Variants in PLA1A observed in about 807,000 individuals in gnomAD.
PLA1A encodes the protein phosphatidylserine-specific phospholipase A1alpha.
Under a neutral mutation model 49.4 loss-of-function variants are expected in PLA1A, and 47 were observed. That is an observed-to-expected ratio of 0.95 (90% CI 0.75 to 1.21). The LOEUF is 1.21. Among genes scored for constraint, PLA1A ranks in the 50% most tolerant of loss-of-function variants. The pLI is 0.00. For missense variants in PLA1A, 561 were observed against 563.9 expected (o/e 0.99, Z 0.05); for synonymous variants, 224 against 207.9 (o/e 1.08, Z -0.67).
chr3:119,614,626 A>G (rs2082819876), intron 5 of PLA1A, among the ~76,000 whole-genome samples: 1 of 151,326 alleles, frequency 6.6e-6, no homozygotes, highest in East Asian at 1.9e-4. Context: ...AAAAAAAAAA[A>G]AAAGTGAATC....
chr3:119,607,894 T>A (rs1020436578), intron 2 of PLA1A, among the ~76,000 whole-genome samples: 13 of 152,194 alleles, frequency 8.5e-5, no homozygotes, highest in African/African-American at 3.1e-4. Flanking sequence ...CGCTCCTCTG[T>A]CCACACGAGT....
rs761157942 is a variant in PLA1A at position 119,618,183 on chromosome 3, A to G, written c.919A>G (p.Ile307Val). 3.1e-6 allele frequency: 5 copies of G among 1,612,430 alleles called. No individual in the cohort carries two copies. The South Asian group carries it at 4.4e-5, about 14-fold the overall frequency. Residue 307 changes from isoleucine to valine, a missense_variant, in exon 7 of 11, where the codon ATA becomes GTA. Physicochemically the swap from Ile to Val is conservative, Grantham distance 29. Coordinates refer to ENST00000273371, the MANE Select transcript of PLA1A (RefSeq NM_015900.4). ...CCCTTTTCTGCTTTCCTGCCCAAGGATAGGTAAAGTGCTACCCCTTTGACT... is the reference window on the plus strand; with the variant it reads ...CCCTTTTCTGCTTTCCTGCCCAAGGGTAGGTAAAGTGCTACCCCTTTGACT... ...FNPFLLSCPR[I>V]GLVEQGGVKI... is the part of the protein sequence containing the mutation.
intron 2 of PLA1A, among the ~76,000 whole-genome samples, chr3:119,608,300 A>AAAGAAAG (rs2082721871): frequency 2.1e-5 from 3 of 146,294 alleles, no homozygotes; most frequent in African/African-American, 7.6e-5. Flanking sequence ...AAGAAAGAAA[A>AAAGAAAG]AGAAAATGTC....
chr3:119,628,899 A>G, intron 10 of PLA1A, 34 bp downstream of exon 10: 1 of 1,566,662 alleles, frequency 6.4e-7, no homozygotes. Flanking sequence ...CACCAGATGC[A>G]CTCACACATC....
Position 119,599,125 on chromosome 3 carries a change from C to T in PLA1A, c.73+1139C>T, listed in dbSNP as rs115469553. 1.7e-3 allele frequency among the ~76,000 whole-genome samples: 258 copies of T among 152,230 alleles called. 1 individual carries two copies. The highest frequency in any genetic ancestry group is 3.1e-3 in the South Asian group (15 of 4,822). ...TAGGCTCTGTCTGGGTCGGGCTAAC[C>T]CAGACTGGAATCCTGGCTCTGTTTC... On this transcript the variant is annotated intron_variant, in intron 1 of 10. Transcript: ENST00000273371.
At chr3:119,607,802 T>G (rs988068595) in intron 2 of PLA1A, among the ~76,000 whole-genome samples, 1 of 152,142 alleles carries the variant, frequency 6.6e-6, no homozygotes, top group East Asian at 1.9e-4. Flanking sequence ...GGGTAGCTAA[T>G]AGAGGTGGAG....
intron 6 of PLA1A, 123 bp from the exon 7 acceptor site, chr3:119,617,896 G>T: frequency 4.6e-6 from 3 of 646,296 alleles, no homozygotes; most frequent in Admixed American, 2.8e-5. Context: ...AAAGTGATTT[G>T]AGGGGACTCC....
chr3:119,618,835 C>T (rs1298146836), intron 7 of PLA1A, among the ~76,000 whole-genome samples: 3 of 152,274 alleles, frequency 2.0e-5, no homozygotes, highest in African/African-American at 7.2e-5. Context: ...TCTCACTTCC[C>T]GCTACCCCTG....
intron 8 of PLA1A, among the ~76,000 whole-genome samples, chr3:119,621,823 T>G (rs2082937291): frequency 6.6e-6 from 1 of 152,174 alleles, no homozygotes; most frequent in Admixed American, 6.5e-5. Flanking sequence ...CTCAGGACTC[T>G]GTGTTGTACG....
chr3:119,628,664 T>C, intron 9 of PLA1A, 37 bp from the exon 10 acceptor site: 2 of 1,601,390 alleles, frequency 1.2e-6, no homozygotes, highest in Non-Finnish European at 1.7e-6. Context: ...TGGTAAGGGC[T>C]ACAGTCATTT....
intron 5 of PLA1A, among the ~76,000 whole-genome samples, chr3:119,614,004 C>T (rs1041902429): frequency 1.3e-5 from 2 of 152,214 alleles, no homozygotes; most frequent in South Asian, 2.1e-4. Context: ...TTGGGAAAGG[C>T]GGGGGCATTC....
rs749641712 is a variant in PLA1A, at chr3:119,613,063, G to A, written c.609G>A (p.Glu203=). ...AGTACACCAGGGCCAGTGTGGAAGA[G>A]CGCTTGGATGCTGGAGATGCCCTCT... is the stretch of plus-strand genomic sequence containing the variant. ...GPEYTRASVE[E]RLDAGDALFV... Residue 203 remains glutamate, a synonymous_variant, in exon 5 of 11, where the codon GAG becomes GAA. Coordinates refer to ENST00000273371, the MANE Select transcript of PLA1A (RefSeq NM_015900.4). The A allele has an allele frequency of 1.9e-6, 3 of 1,608,972 alleles. No homozygotes were observed. In the Admixed American group the frequency reaches 5.0e-5, roughly 27 times the overall value.
chr3:119,623,909 G>A (rs1172842610), intron 8 of PLA1A, among the ~76,000 whole-genome samples: 4 of 151,750 alleles, frequency 2.6e-5, no homozygotes, highest in African/African-American at 9.7e-5. Flanking sequence ...ATTTTTAGTA[G>A]AGACAGGGTT....
At chr3:119,601,409 T>C in intron 1 of PLA1A, among the ~76,000 whole-genome samples, 1 of 152,168 alleles carries the variant, frequency 6.6e-6, no homozygotes, top group East Asian at 1.9e-4. Flanking sequence ...CAGGCCTTAC[T>C]CACCCTTCTC....
Position 119,628,863 on chromosome 3 carries a change from C to A in PLA1A, c.1284C>A (p.Asp428Glu). 1 of 1,613,208 alleles carries A rather than the reference C, an allele frequency of 6.2e-7. No homozygotes were observed. Among genetic ancestry groups the A allele is most frequent in the Non-Finnish European group, 8.5e-7 (1 of 1,179,218 alleles). Reference sequence around the variant, plus strand: ...GCACTGCCCTTTTGCCTGTCAATGACAGGTAAGCCCCAGTATTCACCTCTG... The same window carrying A: ...GCACTGCCCTTTTGCCTGTCAATGAAAGGTAAGCCCCAGTATTCACCTCTG... ...KFCTALLPVN[D>E]REKMVCLPEP... The change falls in exon 10 of 11, where the codon GAC becomes GAA. Residue 428 changes from aspartate (D) to glutamate (E), a missense_variant and splice_region_variant. Physicochemically the swap from Asp to Glu is conservative, Grantham distance 45. Transcript: ENST00000273371.
chr3:119,616,293 G>A (rs1394162803), intron 6 of PLA1A, among the ~76,000 whole-genome samples, 192 bp downstream of exon 6: 1 of 152,178 alleles, frequency 6.6e-6, no homozygotes, highest in African/African-American at 2.4e-5. Context: ...TGAGGGGAGG[G>A]TGTGGCACAG....
rs749727842 is a variant in PLA1A at position 119,625,237 on chromosome 3, G to C, written c.1121+5G>C. ...CTCTTCATCTAAGATCACCATGTAC[G>C]TAAGTGTCCCACCTGGTTGACTCCT... is the stretch of plus-strand genomic sequence containing the variant. On this transcript the variant is annotated splice_donor_5th_base_variant and intron_variant, in intron 9 of 10. Transcript: ENST00000273371. 1 of 1,574,236 alleles carries C rather than the reference G, an allele frequency of 6.4e-7. No homozygotes were observed. Among genetic ancestry groups the C allele is most frequent in the South Asian group, 1.1e-5 (1 of 90,214 alleles).
intron 1 of PLA1A, among the ~76,000 whole-genome samples, chr3:119,603,701 A>G (rs1273750601): frequency 6.6e-6 from 1 of 152,224 alleles, no homozygotes. Context: ...ACAGTGATTT[A>G]TGGTTTGGGC....
intron 9 of PLA1A, among the ~76,000 whole-genome samples, chr3:119,625,992 C>G (rs758813384): frequency 4.6e-5 from 7 of 152,076 alleles, no homozygotes; most frequent in African/African-American, 1.7e-4. Flanking sequence ...AGTGAGAGTC[C>G]GGTCAGGAAA....
Sources: gnomAD v4.1 joint callset for allele counts (sites outside exome capture counted in the v4.1 genomes callset) on GRCh38, gnomAD v4.1.1 for gene constraint, MANE v1.5 for transcripts, NCBI Gene and HGNC (gene_info 2026-07-23, HGNC 2026-07-21) for gene names.